PLCB1: variants seen among roughly 807,000 people sequenced by gnomAD.
PLCB1 encodes phospholipase C beta 1.
A neutral mutation model predicts 161.8 loss-of-function variants in PLCB1; 46 were observed. That is an observed-to-expected ratio of 0.28 (90% confidence interval 0.22 to 0.36). The LOEUF is 0.36. PLCB1 is among the 10% of genes least tolerant of loss of function. The pLI is 1.00. For missense variants in PLCB1, 1,016 were observed against 1,472.5 expected, an observed-to-expected ratio of 0.69 and a Z score of 5.07; for synonymous variants, 517 against 503.7, an observed-to-expected ratio of 1.03 and a Z score of -0.35.
intron 2 of PLCB1, among the ~76,000 whole-genome samples, chr20:8,240,809 A>G (rs1980569606): frequency 1.3e-5 from 2 of 152,032 alleles, no homozygotes; most frequent in South Asian, 4.1e-4. Context: ...TAGTGTCTAC[A>G]TCAAATTTTT....
chr20:8,704,966 A>C (rs1978582160), intron 11 of PLCB1, among the ~76,000 whole-genome samples: 1 of 133,516 alleles, frequency 7.5e-6, no homozygotes, highest in South Asian at 2.5e-4. Flanking sequence ...AGGCAGAAAC[A>C]GCAAATTCTC....
At chr20:8,721,880 T>C (rs748909332) in intron 14 of PLCB1, among the ~76,000 whole-genome samples, 1 of 152,136 alleles carries the variant, frequency 6.6e-6, no homozygotes, top group Non-Finnish European at 1.5e-5. Flanking sequence ...CACTGAGCTA[T>C]GTGCTGGCCA....
chr20:8,761,947 G>A (rs1240694873), intron 25 of PLCB1, among the ~76,000 whole-genome samples: 3 of 147,014 alleles, frequency 2.0e-5, no homozygotes, highest in Non-Finnish European at 4.5e-5. Flanking sequence ...GGTGGCTCAC[G>A]CCTGTAATCC....
chr20:8,356,100 G>T, intron 2 of PLCB1, among the ~76,000 whole-genome samples: 1 of 151,938 alleles, frequency 6.6e-6, no homozygotes, highest in South Asian at 2.1e-4. Context: ...TCAACTTTTA[G>T]TTATATATTT....
rs114186832 is a variant in PLCB1 at position 8,753,969 on chromosome 20, G to A, written c.2524-3077G>A. Among the ~76,000 whole-genome samples the A allele has an allele frequency of 7.7e-3, 1,168 of 152,208 alleles. 17 individuals are homozygous for A. Among genetic ancestry groups the A allele is most frequent in the African/African-American group, 0.026 (1,074 of 41,510 alleles). Reference sequence around the variant, plus strand: ...TGTGAATAGTATCCTTAGGGGTTGTGTCCCAAGAGTGACACAGTCCACTCT... The same window carrying A: ...TGTGAATAGTATCCTTAGGGGTTGTATCCCAAGAGTGACACAGTCCACTCT... On this transcript the variant is annotated intron_variant, in intron 23 of 31. Transcript: ENST00000338037.
At chr20:8,301,832 C>T (rs1330570496) in intron 2 of PLCB1, among the ~76,000 whole-genome samples, 2 of 152,242 alleles carry the variant, frequency 1.3e-5, no homozygotes, top group African/African-American at 4.8e-5. Flanking sequence ...AGGACATTTG[C>T]AGTATTTACG....
chr20:8,157,080 C>A (rs1356468505), intron 2 of PLCB1, among the ~76,000 whole-genome samples: 5 of 152,070 alleles, frequency 3.3e-5, no homozygotes, highest in East Asian at 1.9e-4. Context: ...TCTGTTTGGG[C>A]AAATAAGATG....
At chr20:8,794,054 C>T (rs1038162642) in intron 31 of PLCB1, among the ~76,000 whole-genome samples, 1 of 152,196 alleles carries the variant, frequency 6.6e-6, no homozygotes, top group African/African-American at 2.4e-5. Context: ...GGCTCACCAG[C>T]GGTCAGAGTT....
At chr20:8,323,202 T>C (rs908803288) in intron 2 of PLCB1, among the ~76,000 whole-genome samples, 9 of 152,320 alleles carry the variant, frequency 5.9e-5, no homozygotes, top group African/African-American at 2.2e-4. Flanking sequence ...ATATAGTCAG[T>C]GATATTTTAA....
rs1191397388 is a variant in PLCB1, at chr20:8,526,875, A to G, written c.247-101419A>G. Among the ~76,000 whole-genome samples, 5 of 152,260 alleles carry G rather than the reference A, an allele frequency of 3.3e-5. 1 individual carries two copies. The highest frequency in any genetic ancestry group is 3.4e-3 in the Middle Eastern group (1 of 294). On this transcript the variant is annotated intron_variant, in intron 3 of 31. Transcript: ENST00000338037. Reference sequence around the variant, plus strand: ...CTAATGCAAAAAACTATGCCTGGCAATTACATCAAGTCAGGTTTTCACCCC... The same window carrying G: ...CTAATGCAAAAAACTATGCCTGGCAGTTACATCAAGTCAGGTTTTCACCCC...
chr20:8,158,550 CT>C (rs1169179059), intron 2 of PLCB1, among the ~76,000 whole-genome samples: 1 of 152,160 alleles, frequency 6.6e-6, no homozygotes, highest in African/African-American at 2.4e-5. Context: ...CAAATCATGC[CT>C]TTCCAACAGT....
chr20:8,141,633 A>C (rs1017624987), intron 1 of PLCB1, among the ~76,000 whole-genome samples: 17 of 152,126 alleles, frequency 1.1e-4, no homozygotes, highest in African/African-American at 3.6e-4. Flanking sequence ...AAAAAAAAAA[A>C]AAAAAAAAGG....
intron 2 of PLCB1, among the ~76,000 whole-genome samples, chr20:8,174,522 C>T (rs1484650462): frequency 6.6e-6 from 1 of 152,040 alleles, no homozygotes; most frequent in African/African-American, 2.4e-5. Context: ...GTATCAGAAA[C>T]AGAAAATAAT....
In PLCB1 at chr20:8,741,319, G is replaced by GTGGA. The variant is rs369644733; in HGVS notation, c.2414-125_2414-122dup. 51 of 601,332 alleles carry GTGGA rather than the reference G, an allele frequency of 8.5e-5. No individual in the cohort carries two copies. The Middle Eastern group carries it at 1.2e-3, about 15-fold the overall frequency. The allele number at this position is 601,332 out of a possible 1,614,324, so 37.2% of individuals were successfully genotyped here. A position where few individuals can be genotyped will look rare whatever the true frequency, so the allele number is the denominator to read the frequency against. On this transcript the variant is annotated intron_variant, in intron 22 of 31. Transcript: ENST00000338037. ...AGAATGGAAGATGGATAATGACTGG[G>GTGGA]TGGATGGATGGATGGATGGATGGGT...
intron 7 of PLCB1, among the ~76,000 whole-genome samples, chr20:8,654,532 A>T (rs1260538699): frequency 6.6e-6 from 1 of 152,108 alleles, no homozygotes; most frequent in African/African-American, 2.4e-5. Flanking sequence ...TCAAAAGCTC[A>T]TAGTTCAGTA....
intron 3 of PLCB1, among the ~76,000 whole-genome samples, chr20:8,602,955 G>T (rs1987636769): frequency 1.3e-5 from 2 of 152,112 alleles, no homozygotes; most frequent in South Asian, 4.1e-4. Context: ...TGTCTGTCTA[G>T]TTTTTTTGTC....
chr20:8,624,528 T>G (rs949735801), intron 3 of PLCB1, among the ~76,000 whole-genome samples: 1 of 152,236 alleles, frequency 6.6e-6, no homozygotes, highest in African/African-American at 2.4e-5. Flanking sequence ...TTAACTCTTT[T>G]TTTAAATCAT....
At chr20:8,733,478 A>G in intron 19 of PLCB1, 86 bp downstream of exon 19, 1 of 1,130,220 alleles carries the variant, frequency 8.8e-7, no homozygotes, top group Non-Finnish European at 1.3e-6. Context: ...GTCATTAAAA[A>G]TTTAGTAACT....
intron 26 of PLCB1, among the ~76,000 whole-genome samples, chr20:8,773,877 G>A (rs1046350500): frequency 6.6e-6 from 1 of 151,258 alleles, no homozygotes; most frequent in East Asian, 1.9e-4. Context: ...AGGAGGCTGA[G>A]GCAGGAGAAT....
Sources: gnomAD v4.1 joint callset for allele counts (sites outside exome capture counted in the v4.1 genomes callset) on GRCh38, gnomAD v4.1.1 for gene constraint, MANE v1.5 for transcripts, NCBI Gene and HGNC (gene_info 2026-07-23, HGNC 2026-07-21) for gene names.